Variants in ADAMTS6 observed in about 807,000 individuals in gnomAD.
ADAMTS6 encodes ADAM metallopeptidase with thrombospondin type 1 motif 6, also known as A disintegrin and metalloproteinase with thrombospondin motifs 6.
A neutral mutation model predicts 144.3 loss-of-function variants in ADAMTS6; 23 were observed. That is an observed-to-expected ratio of 0.16 (90% confidence interval 0.11 to 0.23). The LOEUF (loss-of-function observed/expected upper bound fraction) is 0.23, where lower values mean the gene tolerates loss of function less well. Among genes scored for constraint, ADAMTS6 ranks in the 10% least tolerant of loss-of-function variants. The pLI is 1.00. For missense variants in ADAMTS6, 999 were observed against 1,379.6 expected (o/e 0.72, Z 4.37); for synonymous variants, 444 against 457.5 (o/e 0.97, Z 0.38).
At chr5:65,469,779 C>T (rs1041593392) in intron 3 of ADAMTS6, among the ~76,000 whole-genome samples, 3 of 152,134 alleles carry the variant, frequency 2.0e-5, no homozygotes, top group East Asian at 1.9e-4. Flanking sequence ...AAACCCAACT[C>T]GAATTATAGT....
At chr5:65,331,313 C>T (rs1300295279) in intron 8 of ADAMTS6, among the ~76,000 whole-genome samples, 2 of 151,944 alleles carry the variant, frequency 1.3e-5, no homozygotes, top group East Asian at 1.9e-4. Context: ...GTTGTTGTGT[C>T]GTTTTTTGGT....
At chr5:65,156,039 G>T (rs1156978242) in intron 24 of ADAMTS6, among the ~76,000 whole-genome samples, 6 of 152,044 alleles carry the variant, frequency 3.9e-5, no homozygotes, top group Admixed American at 3.9e-4. Flanking sequence ...AAGTTTTAAA[G>T]CCCCATTATT....
intron 7 of ADAMTS6, among the ~76,000 whole-genome samples, chr5:65,446,540 A>C (rs2150241046): frequency 6.6e-6 from 1 of 152,308 alleles, no homozygotes; most frequent in South Asian, 2.1e-4. Flanking sequence ...CATTAATGAA[A>C]AACTGTACAA....
intron 22 of ADAMTS6, among the ~76,000 whole-genome samples, chr5:65,183,483 T>C (rs992706036): frequency 6.6e-6 from 1 of 151,984 alleles, no homozygotes; most frequent in Non-Finnish European, 1.5e-5. Flanking sequence ...TAGGTTTGTA[T>C]AGATAGGAAA....
At chr5:65,394,923 A>G (rs1292627313) in intron 7 of ADAMTS6, among the ~76,000 whole-genome samples, 1 of 152,178 alleles carries the variant, frequency 6.6e-6, no homozygotes, top group African/African-American at 2.4e-5. Context: ...ACCTGATTTC[A>G]TATGATCTTA....
chr5:65,254,522 G>A (rs928274190), intron 14 of ADAMTS6, among the ~76,000 whole-genome samples: 1 of 152,168 alleles, frequency 6.6e-6, no homozygotes, highest in African/African-American at 2.4e-5. Flanking sequence ...AGACTGTTGA[G>A]TTAGAGAAAC....
chr5:65,301,836 C>G (rs1433986949), intron 9 of ADAMTS6, among the ~76,000 whole-genome samples: 1 of 151,916 alleles, frequency 6.6e-6, no homozygotes, highest in Non-Finnish European at 1.5e-5. Flanking sequence ...CACCTGTAAT[C>G]CCAGCGCTTT....
intron 24 of ADAMTS6, 90 bp from the exon 25 acceptor site, chr5:65,152,035 C>A (rs1187190897): frequency 5.3e-5 from 62 of 1,176,640 alleles, no homozygotes; most frequent in Non-Finnish European, 7.0e-5. Context: ...TCAGCAAGGA[C>A]CCCCTTTGGG....
chr5:65,366,038 G>A (rs1305551145), intron 7 of ADAMTS6, among the ~76,000 whole-genome samples: 1 of 151,808 alleles, frequency 6.6e-6, no homozygotes, highest in Non-Finnish European at 1.5e-5. Context: ...TGGTACCATA[G>A]GTACAAAGTC....
At chr5:65,412,716 T>G (rs1047914427) in intron 7 of ADAMTS6, among the ~76,000 whole-genome samples, 4 of 152,064 alleles carry the variant, frequency 2.6e-5, no homozygotes, top group Non-Finnish European at 4.4e-5. Context: ...AACAAAATGC[T>G]TATGCAAAAT....
At chr5:65,470,062 G>T in intron 3 of ADAMTS6, among the ~76,000 whole-genome samples, 1 of 152,068 alleles carries the variant, frequency 6.6e-6, no homozygotes. Flanking sequence ...CTGTAGTCTT[G>T]AACCCATTTT....
intron 22 of ADAMTS6, among the ~76,000 whole-genome samples, chr5:65,176,384 A>G (rs1561251089): frequency 6.6e-6 from 1 of 152,240 alleles, no homozygotes; most frequent in Non-Finnish European, 1.5e-5. Flanking sequence ...GTATAAGGAA[A>G]GTAAAATATA....
chr5:65,172,215 C>A (rs1753675838), intron 23 of ADAMTS6, among the ~76,000 whole-genome samples: 1 of 151,028 alleles, frequency 6.6e-6, no homozygotes, highest in Non-Finnish European at 1.5e-5. Flanking sequence ...GAGATCGAGA[C>A]CATCCTGGCT....
rs374895988 is a variant in ADAMTS6 at position 65,289,380 on chromosome 5, C to G, written c.1512+1949G>C. Among the ~76,000 whole-genome samples the G allele has an allele frequency of 1.4e-4, 21 of 152,172 alleles. No individual in the cohort carries two copies. The East Asian group carries it at 2.5e-3, about 18-fold the overall frequency. On this transcript the variant is annotated intron_variant, in intron 11 of 24. Transcript: ENST00000381055. The stretch of plus-strand genomic sequence containing the variant: ...TGAAACCCCATCTCTACCAAAAATA[C>G]AAAACAGCCAGATGTGGTGGTGAGC...
chr5:65,197,830 T>C lies in ADAMTS6; in HGVS notation c.2576-679A>G, dbSNP rs1000476283. Among the ~76,000 whole-genome samples the C allele has an allele frequency of 2.6e-5, 4 of 152,196 alleles. No individual in the cohort carries two copies. In the East Asian group the frequency reaches 5.8e-4, roughly 22 times the overall value. On this transcript the variant is annotated intron_variant, in intron 20 of 24. Transcript: ENST00000381055. The stretch of plus-strand genomic sequence containing the variant: ...CAGTTCATTCAAATATTAATTTATC[T>C]CATTTTAAAAAATTAGTCTATGTGA...
intron 3 of ADAMTS6, among the ~76,000 whole-genome samples, chr5:65,462,271 T>C (rs761350468): frequency 2.3e-4 from 35 of 152,102 alleles, no homozygotes; most frequent in Admixed American, 4.6e-4. Context: ...GGAAGCAAGG[T>C]CTAGGCTACA....
intron 18 of ADAMTS6, among the ~76,000 whole-genome samples, 191 bp from the exon 19 acceptor site, chr5:65,215,678 T>G (rs1756864727): frequency 6.6e-6 from 1 of 152,176 alleles, no homozygotes; most frequent in South Asian, 2.1e-4. Context: ...ACTTAAGTAT[T>G]TATAATGTCA....
intron 14 of ADAMTS6, among the ~76,000 whole-genome samples, chr5:65,254,280 T>C (rs1760466353): frequency 6.6e-6 from 1 of 152,098 alleles, no homozygotes; most frequent in South Asian, 2.1e-4. Context: ...CACGCATTCA[T>C]GAAAAATCTC....
intron 7 of ADAMTS6, among the ~76,000 whole-genome samples, chr5:65,399,582 G>A (rs903940219): frequency 6.6e-6 from 1 of 151,654 alleles, no homozygotes; most frequent in African/African-American, 2.4e-5. Context: ...TACAACTAAT[G>A]CAAGTTCATT....
Sources: gnomAD v4.1 joint callset for allele counts (sites outside exome capture counted in the v4.1 genomes callset) on GRCh38, gnomAD v4.1.1 for gene constraint, MANE v1.5 for transcripts, NCBI Gene and HGNC (gene_info 2026-07-23, HGNC 2026-07-21) for gene names.